GRIK2: variants seen among roughly 807,000 people sequenced by gnomAD.
GRIK2 encodes glutamate receptor ionotropic, kainate 2.
GRIK2 carries 32 observed loss-of-function variants against 100.3 expected under a neutral mutation model. That is an observed-to-expected ratio of 0.32 (90% CI 0.24 to 0.43). GRIK2 has a LOEUF of 0.43. Among genes scored for constraint, GRIK2 ranks in the 20% least tolerant of loss-of-function variants. The pLI is 1.00. For synonymous variants in GRIK2, 417 were observed against 389.4 expected (o/e 1.07, Z -0.83); for missense variants, 843 against 1,114.9 (o/e 0.76, Z 3.47).
At chr6:102,042,045 G>T (rs1477408028) in intron 15 of GRIK2, among the ~76,000 whole-genome samples, 1 of 151,542 alleles carries the variant, frequency 6.6e-6, no homozygotes, top group African/African-American at 2.4e-5. Flanking sequence ...ATCATTTTGT[G>T]GGAAGAGAGT....
At chr6:101,886,241 G>GT (rs1056045075) in intron 11 of GRIK2, among the ~76,000 whole-genome samples, 4 of 152,150 alleles carry the variant, frequency 2.6e-5, no homozygotes, top group Admixed American at 2.6e-4. Context: ...ATGCATACAA[G>GT]TTTCCCCCAT....
intron 2 of GRIK2, among the ~76,000 whole-genome samples, chr6:101,502,117 C>T (rs370535490): frequency 9.9e-5 from 15 of 152,172 alleles, no homozygotes; most frequent in Admixed American, 2.0e-4. Context: ...AAATATTACA[C>T]GCTTGTAATT....
At chr6:101,682,200 T>C (rs1384778423) in intron 5 of GRIK2, among the ~76,000 whole-genome samples, 1 of 152,176 alleles carries the variant, frequency 6.6e-6, no homozygotes, top group Non-Finnish European at 1.5e-5. Flanking sequence ...AATAAAATGG[T>C]GTTCCTCATT....
chr6:101,444,465 A>G (rs1770254025), intron 2 of GRIK2, among the ~76,000 whole-genome samples: 1 of 152,092 alleles, frequency 6.6e-6, no homozygotes, highest in African/African-American at 2.4e-5. Flanking sequence ...AAATGTATTA[A>G]AGTTTCCAAA....
At chr6:102,030,657 A>G (rs1358524844) in intron 14 of GRIK2, among the ~76,000 whole-genome samples, 1 of 151,178 alleles carries the variant, frequency 6.6e-6, no homozygotes, top group Non-Finnish European at 1.5e-5. Flanking sequence ...TTTATGCAGT[A>G]CTTAGATTTT....
At chr6:102,057,094 C>T (rs1771500676) in intron 16 of GRIK2, among the ~76,000 whole-genome samples, 1 of 151,840 alleles carries the variant, frequency 6.6e-6, no homozygotes, top group African/African-American at 2.4e-5. Context: ...AATATTAACT[C>T]ATTAATTATC....
intron 10 of GRIK2, among the ~76,000 whole-genome samples, chr6:101,830,666 A>G (rs562391446): frequency 1.8e-4 from 28 of 151,986 alleles, no homozygotes; most frequent in Non-Finnish European, 3.7e-4. Context: ...GTGAGATGCC[A>G]TCTCACACCA....
At chr6:101,425,459 G>C (rs1776653784) in intron 2 of GRIK2, among the ~76,000 whole-genome samples, 1 of 152,078 alleles carries the variant, frequency 6.6e-6, no homozygotes, top group Admixed American at 6.6e-5. Context: ...GAGAGAGTAA[G>C]ACATCACTCA....
chr6:101,782,006 G>A (rs948357383), intron 7 of GRIK2, among the ~76,000 whole-genome samples: 1 of 152,004 alleles, frequency 6.6e-6, no homozygotes, highest in African/African-American at 2.4e-5. Flanking sequence ...GAGTTCTCTG[G>A]AGTCCCCTTT....
chr6:101,536,194 C>T (rs111522650), intron 2 of GRIK2, among the ~76,000 whole-genome samples: 38 of 151,728 alleles, frequency 2.5e-4, no homozygotes, highest in African/African-American at 8.4e-4. Context: ...TAATAAAAAG[C>T]GTTCAGGGAT....
At chr6:101,744,523 C>CATATATATATATATATATATAT (rs60236327) in intron 7 of GRIK2, 1 of 61,222 alleles carries the variant, frequency 1.6e-5, no homozygotes, top group Non-Finnish European at 3.1e-5. Context: ...TGCGTGCGCG[C>CATATATATATATATATATATAT]ATATATATAT....
intron 7 of GRIK2, among the ~76,000 whole-genome samples, chr6:101,759,795 A>G (rs1777370868): frequency 6.7e-6 from 1 of 149,974 alleles, no homozygotes. Context: ...ATAAGATTTT[A>G]AAAAATAAAA....
At chr6:101,959,100 G>A (rs1792123865) in intron 14 of GRIK2, among the ~76,000 whole-genome samples, 1 of 151,922 alleles carries the variant, frequency 6.6e-6, no homozygotes. Context: ...TAGTAAAATT[G>A]ATACCATAAA....
chr6:101,494,274 T>A (rs955105128), intron 2 of GRIK2, among the ~76,000 whole-genome samples: 21 of 151,376 alleles, frequency 1.4e-4, no homozygotes, highest in Admixed American at 5.3e-4. Flanking sequence ...TGAGGTCTAC[T>A]ACTGCTCGAA....
At chr6:101,860,186 C>T (rs1158915307) in intron 11 of GRIK2, among the ~76,000 whole-genome samples, 1 of 151,872 alleles carries the variant, frequency 6.6e-6, no homozygotes, top group Non-Finnish European at 1.5e-5. Context: ...AGATAGACAT[C>T]TTAACTTTTA....
In GRIK2 at chr6:101,399,233, C is replaced by T. The variant is rs372164020; in HGVS notation, c.-45C>T. On this transcript the variant is annotated 5_prime_UTR_variant, in exon 2 of 17. Coordinates refer to ENST00000369134, the MANE Select transcript of GRIK2 (RefSeq NM_021956.5). ...TCTACCCGAACCCAGGAGCCGAACGCTAGATCGGGGAAGTGGGTGCCGTGC... is the reference window on the plus strand; with the variant it reads ...TCTACCCGAACCCAGGAGCCGAACGTTAGATCGGGGAAGTGGGTGCCGTGC... 1.1e-6 allele frequency: 1 copy of T among 928,806 alleles called. No homozygotes were observed. The highest frequency in any genetic ancestry group is 1.8e-6 in the Non-Finnish European group (1 of 554,146). The allele number at this position is 928,806 out of a possible 1,614,324, so 57.5% of individuals were successfully genotyped here. A position where few individuals can be genotyped will look rare whatever the true frequency, so the allele number is the denominator to read the frequency against.
At chr6:101,402,219 G>C (rs1008244347) in intron 2 of GRIK2, among the ~76,000 whole-genome samples, 3 of 151,924 alleles carry the variant, frequency 2.0e-5, no homozygotes, top group South Asian at 2.1e-4. Context: ...CTCCCTCTCT[G>C]TATGGCACAC....
intron 2 of GRIK2, among the ~76,000 whole-genome samples, chr6:101,619,785 T>C (rs553433774): frequency 1.3e-5 from 2 of 152,088 alleles, no homozygotes; most frequent in Non-Finnish European, 2.9e-5. Flanking sequence ...TTAGGAAGTT[T>C]TGTATATTTT....
chr6:101,883,187 T>C (rs541664446), intron 11 of GRIK2, among the ~76,000 whole-genome samples: 3 of 151,268 alleles, frequency 2.0e-5, no homozygotes, highest in Non-Finnish European at 4.4e-5. Context: ...TTTACTACTA[T>C]GCGGTCTTTA....
Sources: allele counts gnomAD v4.1 joint callset (sites outside exome capture counted in the v4.1 genomes callset), GRCh38; gene constraint gnomAD v4.1.1; transcripts MANE v1.5; gene names NCBI Gene and HGNC (gene_info 2026-07-23, HGNC 2026-07-21).